The following AHI1 variants were observed in gnomAD, a reference collection of about 807,000 sequenced individuals.
AHI1 encodes jouberin.
Under a neutral mutation model 149.3 loss-of-function variants are expected in AHI1, and 123 were observed. The ratio of observed to expected loss-of-function variants is 0.82; its 90% confidence interval spans 0.71 to 0.96. The LOEUF is 0.96. AHI1 is among the 40% of genes least tolerant of loss of function. The probability of loss-of-function intolerance (pLI) is 0.00; values close to 1 mark genes in which losing one functional copy is unlikely to be tolerated. For synonymous variants in AHI1, 475 were observed against 459.8 expected (o/e 1.03, Z -0.42); for missense variants, 1,439 against 1,422.7 (o/e 1.01, Z -0.18).
rs184699177 is a variant in AHI1, at chr6:135,460,718, T to C, written c.931+2407A>G. On this transcript the variant is annotated intron_variant, in intron 8 of 28. Transcript: ENST00000265602. The stretch of plus-strand genomic sequence containing the variant: ...GCTACAGTATTTAGACATGGTAGTG[T>C]TGGTACAAACTGTCTAATTTAAAAG... Among the ~76,000 whole-genome samples the C allele has an allele frequency of 1.3e-3, 200 of 152,298 alleles. 1 individual carries two copies. The highest frequency in any genetic ancestry group is 4.4e-3 in the African/African-American group (184 of 41,568).
chr6:135,349,778 T>C (rs1791791961), intron 24 of AHI1, among the ~76,000 whole-genome samples: 1 of 152,240 alleles, frequency 6.6e-6, no homozygotes, highest in Non-Finnish European at 1.5e-5. Context: ...AAAAGATGCA[T>C]AGAACTTTAG....
intron 5 of AHI1, among the ~76,000 whole-genome samples, chr6:135,471,311 T>C (rs539470654): frequency 6.6e-6 from 1 of 152,316 alleles, no homozygotes; most frequent in Non-Finnish European, 1.5e-5. Flanking sequence ...TTTTCTTTAG[T>C]TCTGTTTTTT....
In AHI1 at chr6:135,455,829, G is replaced by A; in HGVS notation, c.1249C>T (p.Leu417Phe). The A allele has an allele frequency of 1.2e-6, 2 of 1,600,638 alleles. No individual in the cohort carries two copies. The highest frequency in any genetic ancestry group is 1.3e-5 in the African/African-American group (1 of 74,840). The change falls in exon 10 of 29, where the codon CTT becomes TTT. Residue 417 changes from leucine (L) to phenylalanine (F), a missense_variant. Coordinates refer to ENST00000265602, the MANE Select transcript of AHI1 (RefSeq NM_001134831.2). Reference sequence around the variant, plus strand: ...ACAATTTGTTCTTCCCACTCTGGAAGTCTTGATTTTAACTGTTTAAAATCA... The same window carrying A: ...ACAATTTGTTCTTCCCACTCTGGAAATCTTGATTTTAACTGTTTAAAATCA... Reference protein sequence around the residue: ...PYDFKQLKSRLPEWEEQIVFN... With the variant: ...PYDFKQLKSRFPEWEEQIVFN...
At chr6:135,410,084 C>A (rs1781366272) in intron 21 of AHI1, among the ~76,000 whole-genome samples, 1 of 152,174 alleles carries the variant, frequency 6.6e-6, no homozygotes, top group African/African-American at 2.4e-5. Context: ...ACTACAATCC[C>A]CATAATGGCT....
intron 23 of AHI1, among the ~76,000 whole-genome samples, chr6:135,378,890 A>G (rs1207257629): frequency 6.6e-6 from 1 of 152,102 alleles, no homozygotes; most frequent in Non-Finnish European, 1.5e-5. Flanking sequence ...GGTAAGAAAC[A>G]TCCAAGTTAT....
intron 11 of AHI1, among the ~76,000 whole-genome samples, chr6:135,449,005 A>C (rs568652656): frequency 3.9e-5 from 6 of 152,086 alleles, no homozygotes; most frequent in Non-Finnish European, 7.4e-5. Flanking sequence ...CTATTTTTAA[A>C]ACCCTATTAA....
intron 14 of AHI1, among the ~76,000 whole-genome samples, chr6:135,441,234 T>C (rs971926785): frequency 6.6e-6 from 1 of 151,376 alleles, no homozygotes; most frequent in Non-Finnish European, 1.5e-5. Context: ...AGATCTAAAC[T>C]GAAAGAATTA....
At chr6:135,454,181 T>G (rs987827089) in intron 10 of AHI1, among the ~76,000 whole-genome samples, 5 of 152,066 alleles carry the variant, frequency 3.3e-5, no homozygotes, top group African/African-American at 1.2e-4. Flanking sequence ...TAAAAACAAC[T>G]TGTAATCCAG....
At chr6:135,445,166 G>C (rs1006849385) in intron 13 of AHI1, among the ~76,000 whole-genome samples, 1 of 152,098 alleles carries the variant, frequency 6.6e-6, no homozygotes, top group Non-Finnish European at 1.5e-5. Context: ...GCCTCAAAAA[G>C]AAAGTCAAAT....
chr6:135,397,815 T>C (rs1355680722), intron 22 of AHI1, among the ~76,000 whole-genome samples: 3 of 152,122 alleles, frequency 2.0e-5, no homozygotes, highest in Non-Finnish European at 4.4e-5. Flanking sequence ...GATAACACGC[T>C]ACATTCACCT....
At chr6:135,340,851 C>A (rs1038809766) in intron 24 of AHI1, among the ~76,000 whole-genome samples, 1 of 150,666 alleles carries the variant, frequency 6.6e-6, no homozygotes, top group African/African-American at 2.4e-5. Flanking sequence ...TATCTTGGAG[C>A]AAAGTTTTTA....
chr6:135,319,959 T>C (rs146284460), intron 25 of AHI1, among the ~76,000 whole-genome samples: 1 of 152,204 alleles, frequency 6.6e-6, no homozygotes, highest in Non-Finnish European at 1.5e-5. Context: ...TTAGAGTATC[T>C]GCTTGTATAC....
At chr6:135,331,294 A>C (rs1181927709) in intron 24 of AHI1, among the ~76,000 whole-genome samples, 1 of 152,214 alleles carries the variant, frequency 6.6e-6, no homozygotes, top group Non-Finnish European at 1.5e-5. Context: ...CACGTGGTCA[A>C]ATTTTGACCA....
chr6:135,374,737 TGAA>T (rs918333297), intron 23 of AHI1, among the ~76,000 whole-genome samples: 10 of 152,152 alleles, frequency 6.6e-5, no homozygotes, highest in African/African-American at 2.4e-4. Context: ...TAAAACAGTA[TGAA>T]GAACACCTTA....
intron 8 of AHI1, among the ~76,000 whole-genome samples, chr6:135,460,811 AAC>A (rs967917009): frequency 1.8e-4 from 27 of 152,190 alleles, no homozygotes; most frequent in African/African-American, 6.3e-4. Context: ...GTGACACTGC[AAC>A]ACAGAGGGAA....
At chr6:135,301,631 G>C in intron 26 of AHI1, 1 of 985,408 alleles carries the variant, frequency 1.0e-6, no homozygotes, top group Non-Finnish European at 1.2e-6. Context: ...TAGCTGTAGA[G>C]CTTTAAGTCA....
chr6:135,496,472 T>C (rs1021722593), intron 2 of AHI1, among the ~76,000 whole-genome samples: 29 of 152,170 alleles, frequency 1.9e-4, no homozygotes, highest in African/African-American at 6.3e-4. Context: ...ACGGCTAATA[T>C]TTGATTAGTA....
intron 23 of AHI1, among the ~76,000 whole-genome samples, chr6:135,372,531 G>GA (rs200864909): frequency 2.1e-5 from 3 of 139,666 alleles, no homozygotes; most frequent in African/African-American, 2.6e-5. Context: ...AAAAAAAAAA[G>GA]AAAAAAAAAA....
chr6:135,322,564 T>C (rs565544167), intron 25 of AHI1, among the ~76,000 whole-genome samples: 29 of 152,330 alleles, frequency 1.9e-4, no homozygotes, highest in Non-Finnish European at 3.2e-4. Flanking sequence ...GAAAGGTTCA[T>C]ACAGTCTTGT....
Sources: allele counts gnomAD v4.1 joint callset (sites outside exome capture counted in the v4.1 genomes callset), GRCh38; gene constraint gnomAD v4.1.1; transcripts MANE v1.5; gene names NCBI Gene and HGNC (gene_info 2026-07-23, HGNC 2026-07-21).